Variants in LINC00305 observed in about 807,000 individuals in gnomAD.
LINC00305 encodes the protein long intergenic non-protein coding RNA 305.
chr18:64,144,798 G>A (rs2051489021), intron 1 of LINC00305, among the ~76,000 whole-genome samples: 1 of 152,210 alleles, frequency 6.6e-6, no homozygotes, highest in South Asian at 2.1e-4. Flanking sequence ...GAACGAGCCA[G>A]CAGCGCGGGA....
chr18:64,141,758 T>C (rs1041647445), intron 1 of LINC00305, among the ~76,000 whole-genome samples: 4 of 152,224 alleles, frequency 2.6e-5, no homozygotes, highest in African/African-American at 9.6e-5. Context: ...GAGATGTTGA[T>C]TTTTCAGAAG....
chr18:64,140,271 T>C (rs369398784), intron 1 of LINC00305, among the ~76,000 whole-genome samples: 3 of 152,188 alleles, frequency 2.0e-5, no homozygotes, highest in African/African-American at 7.2e-5. Context: ...TGCAGTAGTG[T>C]GATGTCAGCT....
chr18:64,129,111 G>C (rs571869162), intron 1 of LINC00305, among the ~76,000 whole-genome samples: 1 of 152,162 alleles, frequency 6.6e-6, no homozygotes, highest in Admixed American at 6.5e-5. Flanking sequence ...GCCTTATTCT[G>C]GGAATGTAAT....
intron 1 of LINC00305, among the ~76,000 whole-genome samples, chr18:64,109,342 A>G (rs2051305256): frequency 6.6e-6 from 1 of 152,176 alleles, no homozygotes; most frequent in Non-Finnish European, 1.5e-5. Context: ...AAGGTTGGAG[A>G]AATTAAGTGG....
rs113693735 is a variant in LINC00305 at position 64,136,563 on chromosome 18, G to T, written n.314+12212C>A. On this transcript the variant is annotated intron_variant and non_coding_transcript_variant, in intron 1 of 3. Transcript: ENST00000666468. The stretch of plus-strand genomic sequence containing the variant: ...CCCCATAATTCAATTATCTCCACCT[G>T]GTCCCACCCTTGACACCTGCGGATT... Among the ~76,000 whole-genome samples the T allele has an allele frequency of 8.2e-4, 125 of 152,234 alleles. No homozygotes were observed. The Middle Eastern group carries it at 0.024, about 29-fold the overall frequency.
intron 1 of LINC00305, among the ~76,000 whole-genome samples, chr18:64,105,881 A>G (rs2051288291): frequency 6.6e-6 from 1 of 152,250 alleles, no homozygotes; most frequent in East Asian, 1.9e-4. Context: ...CAACCAAATT[A>G]AGGAGAAATA....
intron 1 of LINC00305, among the ~76,000 whole-genome samples, chr18:64,119,483 T>G (rs1259126058): frequency 6.6e-6 from 1 of 152,174 alleles, no homozygotes; most frequent in Non-Finnish European, 1.5e-5. Flanking sequence ...TTCACTAGGC[T>G]TAATGTTATA....
intron 1 of LINC00305, among the ~76,000 whole-genome samples, chr18:64,135,085 G>A (rs1173083198): frequency 3.9e-5 from 6 of 152,152 alleles, no homozygotes; most frequent in African/African-American, 1.4e-4. Context: ...GTGGGGAACC[G>A]TGTTCCAGGC....
intron 3 of LINC00305, among the ~76,000 whole-genome samples, chr18:64,083,647 G>A (rs2051192968): frequency 6.6e-6 from 1 of 152,126 alleles, no homozygotes; most frequent in African/African-American, 2.4e-5. Flanking sequence ...AAAGGAGCAC[G>A]GGCCCCTTTT....
chr18:64,087,170 C>T (rs2051206560), intron 3 of LINC00305, among the ~76,000 whole-genome samples: 1 of 152,144 alleles, frequency 6.6e-6, no homozygotes. Context: ...TTATTCCACT[C>T]AATTTCAGTC....
intron 3 of LINC00305, among the ~76,000 whole-genome samples, chr18:64,080,955 G>A (rs2051182715): frequency 6.6e-6 from 1 of 152,080 alleles, no homozygotes; most frequent in Non-Finnish European, 1.5e-5. Flanking sequence ...ACAGTATCTA[G>A]TCCAATTTTT....
intron 3 of LINC00305, among the ~76,000 whole-genome samples, chr18:64,092,258 GT>G (rs141063903): frequency 6.6e-6 from 1 of 152,264 alleles, no homozygotes; most frequent in Non-Finnish European, 1.5e-5. Context: ...TATTGTTATG[GT>G]TTGTAAAACA....
At chr18:64,127,984 A>G (rs1002828787) in intron 1 of LINC00305, among the ~76,000 whole-genome samples, 4 of 152,088 alleles carry the variant, frequency 2.6e-5, no homozygotes, top group Non-Finnish European at 5.9e-5. Flanking sequence ...TGAGCTCTCA[A>G]GGTAGAACTA....
At position 64,093,977 on chromosome 18, in the gene LINC00305, C is replaced by T. The variant is rs772577426; in HGVS notation, n.540+3857G>A. On this transcript the variant is annotated intron_variant and non_coding_transcript_variant, in intron 3 of 3. Coordinates refer to ENST00000666468, the Ensembl canonical transcript of LINC00305. ...AGAAATAGAAAAGTACCATCAGTTG[C>T]GAAAAAAAGGGAAATAGTTTTCCGC... Among the ~76,000 whole-genome samples, 6 of 151,876 alleles carry T rather than the reference C, an allele frequency of 4.0e-5. No individual in the cohort carries two copies. In the East Asian group the frequency reaches 7.7e-4, roughly 20 times the overall value.
chr18:64,124,493 C>T (rs536496762), intron 1 of LINC00305, among the ~76,000 whole-genome samples: 1 of 152,248 alleles, frequency 6.6e-6, no homozygotes, highest in South Asian at 2.1e-4. Flanking sequence ...TATCTAGACA[C>T]TCAGTAAAAG....
chr18:64,097,616 T>C (rs1432419444), intron 3 of LINC00305, among the ~76,000 whole-genome samples: 8 of 151,676 alleles, frequency 5.3e-5, no homozygotes, highest in Non-Finnish European at 2.9e-5. Flanking sequence ...AAAGAAAAAA[T>C]ATAAAGAACA....
intron 3 of LINC00305, among the ~76,000 whole-genome samples, chr18:64,082,335 C>T (rs1437916987): frequency 6.6e-6 from 1 of 152,022 alleles, no homozygotes; most frequent in African/African-American, 2.4e-5. Context: ...ACCAAAAGCC[C>T]CAGTGATTTC....
At chr18:64,135,901 G>A (rs953185302) in intron 1 of LINC00305, among the ~76,000 whole-genome samples, 1 of 151,912 alleles carries the variant, frequency 6.6e-6, no homozygotes, top group African/African-American at 2.4e-5. Context: ...TTATAGATTG[G>A]TTTCCCACGT....
intron 3 of LINC00305, among the ~76,000 whole-genome samples, chr18:64,094,839 G>A (rs2051238611): frequency 9.1e-6 from 1 of 110,378 alleles, no homozygotes; most frequent in Non-Finnish European, 1.9e-5. Context: ...AAGGGACAGA[G>A]CAAGACTTCA....
Sources: gnomAD v4.1 joint callset for allele counts (sites outside exome capture counted in the v4.1 genomes callset) on GRCh38, gnomAD v4.1.1 for gene constraint, MANE v1.5 for transcripts, NCBI Gene and HGNC (gene_info 2026-07-23, HGNC 2026-07-21) for gene names.